Variants in ODAD2 observed in about 807,000 individuals in gnomAD.
ODAD2 encodes outer dynein arm docking complex subunit 2.
ODAD2 carries 89 observed loss-of-function variants against 106.8 expected under a neutral mutation model. The ratio of observed to expected loss-of-function variants is 0.83; its 90% CI spans 0.70 to 0.99. ODAD2 has a LOEUF of 0.99. Among genes scored for constraint, ODAD2 ranks in the 50% least tolerant of loss-of-function variants. The pLI is 0.00. For synonymous variants in ODAD2, 404 were observed against 436.2 expected, an observed-to-expected ratio of 0.93 and a Z score of 0.92; for missense variants, 1,168 against 1,238.5, an observed-to-expected ratio of 0.94 and a Z score of 0.85.
chr10:27,936,691 A>G (rs1171661510), intron 15 of ODAD2, 35 bp downstream of exon 15: 5 of 1,611,314 alleles, frequency 3.1e-6, no homozygotes, highest in African/African-American at 1.3e-5. Context: ...CAGAAGCCGT[A>G]TCTTCATTTC....
rs71388942 is a variant in ODAD2 at position 27,924,010 on chromosome 10, GA to G, written c.2495+10999del. ...AGAAAGAAAGAAAGAAAGAAAGAAA[GA>G]AAGAAAGAAAGAAGGAAAGAGAAAG... On this transcript the variant is annotated intron_variant, in intron 16 of 19. Transcript: ENST00000305242. 1.8e-5 allele frequency among the ~76,000 whole-genome samples: 2 copies of G among 111,486 alleles called. 1 individual carries two copies. The highest frequency in any genetic ancestry group is 5.5e-4 in the South Asian group (2 of 3,658). 73.1% of individuals were successfully genotyped at this position (111,486 alleles called of 152,430 possible). A position where few individuals can be genotyped will look rare whatever the true frequency, so the allele number is the denominator to read the frequency against.
At chr10:27,834,155 T>C (rs994509350) in intron 19 of ODAD2, among the ~76,000 whole-genome samples, 1 of 152,202 alleles carries the variant, frequency 6.6e-6, no homozygotes, top group Admixed American at 6.5e-5. Flanking sequence ...AATGCATTGA[T>C]TTGAGTCCAG....
chr10:27,818,789 G>A (rs1196213104), intron 19 of ODAD2, among the ~76,000 whole-genome samples: 1 of 152,048 alleles, frequency 6.6e-6, no homozygotes, highest in Admixed American at 6.6e-5. Flanking sequence ...TTTTAAATCT[G>A]GAAAGAAGTG....
At chr10:27,880,890 A>G (rs1841659376) in intron 17 of ODAD2, among the ~76,000 whole-genome samples, 1 of 152,208 alleles carries the variant, frequency 6.6e-6, no homozygotes, top group African/African-American at 2.4e-5. Flanking sequence ...TTCAGAATGT[A>G]TTCATTGGTG....
chr10:27,830,848 T>C (rs1182543794), intron 19 of ODAD2, among the ~76,000 whole-genome samples: 1 of 152,228 alleles, frequency 6.6e-6, no homozygotes, highest in Non-Finnish European at 1.5e-5. Flanking sequence ...CCAATACTTA[T>C]TTTGTGTTAA....
intron 7 of ODAD2, among the ~76,000 whole-genome samples, chr10:27,977,722 AACAG>A (rs1185363489): frequency 2.0e-5 from 3 of 152,236 alleles, no homozygotes; most frequent in East Asian, 1.9e-4. Context: ...CAATGAAAAA[AACAG>A]ACAAAGAGTC....
At position 27,837,706 on chromosome 10, in the gene ODAD2, C is replaced by A. The variant is rs1838001461; in HGVS notation, c.3021+22919G>T. Reference sequence around the variant, plus strand: ...GACAAAATAAACTTTATAAATATTTCTCTTACTTTTGCTCATGGGTAAACA... The same window carrying A: ...GACAAAATAAACTTTATAAATATTTATCTTACTTTTGCTCATGGGTAAACA... On this transcript the variant is annotated intron_variant, in intron 19 of 19. Coordinates refer to ENST00000305242, the MANE Select transcript of ODAD2 (RefSeq NM_018076.5). 3.9e-5 allele frequency among the ~76,000 whole-genome samples: 6 copies of A among 152,236 alleles called. No homozygotes were observed. In the South Asian group the frequency reaches 1.2e-3, roughly 32 times the overall value.
intron 9 of ODAD2, among the ~76,000 whole-genome samples, chr10:27,962,133 C>G (rs1035670168): frequency 2.6e-5 from 4 of 152,134 alleles, no homozygotes; most frequent in African/African-American, 9.7e-5. Flanking sequence ...ATTGCAGGTG[C>G]AATTGCTCTG....
chr10:27,898,775 C>A (rs1244979173), intron 17 of ODAD2, among the ~76,000 whole-genome samples: 1 of 152,038 alleles, frequency 6.6e-6, no homozygotes, highest in East Asian at 1.9e-4. Context: ...TGCCAAAATA[C>A]ATTGATTTTT....
intron 19 of ODAD2, among the ~76,000 whole-genome samples, chr10:27,821,757 T>C (rs1836629864): frequency 6.6e-6 from 1 of 152,314 alleles, no homozygotes. Flanking sequence ...GTATACACTT[T>C]TTTGGTATCT....
chr10:27,881,037 T>C (rs148289983), intron 17 of ODAD2, among the ~76,000 whole-genome samples: 35 of 152,316 alleles, frequency 2.3e-4, no homozygotes, highest in African/African-American at 8.4e-4. Flanking sequence ...AATGTGGCTT[T>C]CAGCAAACTA....
chr10:27,948,779 A>ATTTTTTTTTTTT (rs11451204), intron 10 of ODAD2, among the ~76,000 whole-genome samples: 2 of 40,324 alleles, frequency 5.0e-5, no homozygotes, highest in African/African-American at 1.0e-4. Flanking sequence ...TGGCCTTTGG[A>ATTTTTTTTTTTT]TTTTTTTTTT....
chr10:27,838,903 G>T (rs1432897327), intron 19 of ODAD2, among the ~76,000 whole-genome samples: 1 of 152,164 alleles, frequency 6.6e-6, no homozygotes, highest in Non-Finnish European at 1.5e-5. Context: ...ACAGATCCAA[G>T]GACCTACAGG....
At chr10:27,886,129 A>T (rs978254613) in intron 17 of ODAD2, among the ~76,000 whole-genome samples, 1 of 151,192 alleles carries the variant, frequency 6.6e-6, no homozygotes, top group African/African-American at 2.4e-5. Flanking sequence ...AATGACCAAA[A>T]ATGTCCCAAA....
intron 16 of ODAD2, among the ~76,000 whole-genome samples, chr10:27,914,118 T>C (rs1844199732): frequency 6.6e-6 from 1 of 151,972 alleles, no homozygotes; most frequent in Non-Finnish European, 1.5e-5. Context: ...AAAGAAAATG[T>C]ACATACAAAC....
At chr10:27,900,931 A>G (rs1480332892) in intron 17 of ODAD2, among the ~76,000 whole-genome samples, 4 of 152,106 alleles carry the variant, frequency 2.6e-5, no homozygotes, top group African/African-American at 9.6e-5. Context: ...CTAGCAAGAC[A>G]GGCCAACATT....
Position 27,913,354 on chromosome 10 carries a change from T to A in ODAD2, c.2496-5577A>T, listed in dbSNP as rs114544549. ...GTGTCCATGTGTACTCAGTGTTTGC[T>A]TCCCACTGATAAGTGAGAACATGCG... On this transcript the variant is annotated intron_variant, in intron 16 of 19. Transcript: ENST00000305242. Among the ~76,000 whole-genome samples, 727 of 152,208 alleles carry A rather than the reference T, an allele frequency of 4.8e-3. 6 individuals are homozygous for A. The highest frequency in any genetic ancestry group is 0.017 in the African/African-American group (704 of 41,520).
Position 27,934,271 on chromosome 10 carries a change from C to T in ODAD2, c.2495+739G>A, listed in dbSNP as rs75729500. Among the ~76,000 whole-genome samples the T allele has an allele frequency of 4.7e-3, 720 of 152,030 alleles. 5 individuals carry two copies. The highest frequency in any genetic ancestry group is 0.017 in the African/African-American group (688 of 41,490). On this transcript the variant is annotated intron_variant, in intron 16 of 19. Transcript: ENST00000305242. ...TCAGCAGCATGAAAATGGACTAATA[C>T]GCTTACCTCCCCACACTTCCTGTTG...
chr10:27,975,804 T>TTACTTC (rs1849153672), intron 7 of ODAD2, among the ~76,000 whole-genome samples: 1 of 152,156 alleles, frequency 6.6e-6, no homozygotes, highest in Non-Finnish European at 1.5e-5. Context: ...AATCATTCTA[T>TTACTTC]AATGTCAGTA....
Sources: gnomAD v4.1 joint callset for allele counts (sites outside exome capture counted in the v4.1 genomes callset) on GRCh38, gnomAD v4.1.1 for gene constraint, MANE v1.5 for transcripts, NCBI Gene and HGNC (gene_info 2026-07-23, HGNC 2026-07-21) for gene names.